Variants in LYPLA1 observed in about 807,000 individuals in gnomAD.
LYPLA1 encodes lysophospholipase 1, also known as acyl-protein thioesterase 1.
Under a neutral mutation model 34.0 loss-of-function variants are expected in LYPLA1, and 17 were observed. That is an observed-to-expected ratio of 0.50 (90% CI 0.34 to 0.75). The LOEUF (loss-of-function observed/expected upper bound fraction) is 0.75. Among genes scored for constraint, LYPLA1 ranks in the 30% least tolerant of loss-of-function variants. The pLI, the probability that LYPLA1 is intolerant of heterozygous loss-of-function variation, is 0.01. For missense variants in LYPLA1, 203 were observed against 288.8 expected, an observed-to-expected ratio of 0.70 and a Z score of 2.15; for synonymous variants, 98 against 100.8, an observed-to-expected ratio of 0.97 and a Z score of 0.17.
intron 2 of LYPLA1, among the ~76,000 whole-genome samples, chr8:54,080,626 T>C (rs1368076279): frequency 2.0e-5 from 3 of 152,188 alleles, no homozygotes; most frequent in African/African-American, 4.8e-5. Context: ...CTCTCTCTGT[T>C]GCCCAGGCTG....
intron 2 of LYPLA1, chr8:54,073,646 A>C: frequency 4.4e-6 from 2 of 453,316 alleles, no homozygotes; most frequent in Admixed American, 3.5e-5. Context: ...TGCTGCTACA[A>C]TGTCCTAACA....
chr8:54,064,916 T>C (rs1022337476), intron 3 of LYPLA1, among the ~76,000 whole-genome samples: 5 of 152,220 alleles, frequency 3.3e-5, no homozygotes, highest in African/African-American at 1.2e-4. Context: ...TAATTTGCAT[T>C]GGGCTGCATT....
rs561050087 is a variant in LYPLA1 at position 54,100,711 on chromosome 8, A to G, written c.101+197T>C. 4.5e-5 allele frequency: 26 copies of G among 581,748 alleles called. No individual in the cohort carries two copies. The East Asian group carries it at 7.9e-4, about 18-fold the overall frequency. 36.0% of individuals were successfully genotyped at this position (581,748 alleles called of 1,614,324 possible). A position where few individuals can be genotyped will look rare whatever the true frequency, so the allele number is the denominator to read the frequency against. ...AATATGTTCCAGAAACCAGAGTTAAAAAATCAATAAACTCACGATGATAAG... is the reference window on the plus strand; with the variant it reads ...AATATGTTCCAGAAACCAGAGTTAAGAAATCAATAAACTCACGATGATAAG... On this transcript the variant is annotated intron_variant, in intron 2 of 8. Coordinates refer to ENST00000316963, the MANE Select transcript of LYPLA1 (RefSeq NM_006330.4).
chr8:54,083,276 A>G (rs1248400060), intron 2 of LYPLA1, among the ~76,000 whole-genome samples: 5 of 152,174 alleles, frequency 3.3e-5, no homozygotes, highest in African/African-American at 4.8e-5. Flanking sequence ...GGTAGCCCAT[A>G]AGAACCCACA....
At chr8:54,067,870 G>T (rs375733948) in intron 2 of LYPLA1, among the ~76,000 whole-genome samples, 27 of 151,778 alleles carry the variant, frequency 1.8e-4, no homozygotes, top group African/African-American at 6.0e-4. Flanking sequence ...TGTATTTTTA[G>T]TAGAGACGGG....
intron 5 of LYPLA1, among the ~76,000 whole-genome samples, chr8:54,058,750 G>T (rs1230351887): frequency 2.8e-5 from 4 of 142,152 alleles, no homozygotes; most frequent in African/African-American, 5.1e-5. Flanking sequence ...AGCTAATTTT[G>T]TTTTTTTTTT....
intron 2 of LYPLA1, among the ~76,000 whole-genome samples, chr8:54,067,502 T>G (rs1807152200): frequency 6.6e-6 from 1 of 152,188 alleles, no homozygotes; most frequent in South Asian, 2.1e-4. Context: ...CATTTCCTTC[T>G]GATTTTTCCC....
At chr8:54,054,808 C>T (rs1806095504) in intron 6 of LYPLA1, 2 of 358,718 alleles carry the variant, frequency 5.6e-6, no homozygotes, top group Non-Finnish European at 4.9e-6. Context: ...CCTGTGTTAT[C>T]AGTTTTAATT....
intron 2 of LYPLA1, among the ~76,000 whole-genome samples, chr8:54,071,700 C>A (rs559069683): frequency 6.6e-6 from 1 of 152,186 alleles, no homozygotes; most frequent in Non-Finnish European, 1.5e-5. Flanking sequence ...ATCTCTACAA[C>A]AAGAATTACA....
At chr8:54,075,529 A>T (rs1021489867) in intron 2 of LYPLA1, among the ~76,000 whole-genome samples, 3 of 152,194 alleles carry the variant, frequency 2.0e-5, no homozygotes, top group Admixed American at 1.3e-4. Context: ...ACAGATCAAG[A>T]AGCTGTCACA....
intron 2 of LYPLA1, among the ~76,000 whole-genome samples, chr8:54,081,102 G>T (rs535230874): frequency 6.6e-6 from 1 of 152,208 alleles, no homozygotes; most frequent in African/African-American, 2.4e-5. Flanking sequence ...AAGGCCTTTT[G>T]CTGTACTCAC....
chr8:54,073,229 G>T, intron 2 of LYPLA1: 1 of 836,090 alleles, frequency 1.2e-6, no homozygotes, highest in Admixed American at 1.7e-5. Flanking sequence ...ATACAGGACA[G>T]TAAGGAACTA....
At chr8:54,056,680 C>T (rs545709559) in intron 5 of LYPLA1, among the ~76,000 whole-genome samples, 74 of 152,166 alleles carry the variant, frequency 4.9e-4, no homozygotes, top group African/African-American at 1.7e-3. Flanking sequence ...TTTGGGAGAC[C>T]GAGGAGGGTG....
At chr8:54,075,463 C>T (rs868618017) in intron 2 of LYPLA1, among the ~76,000 whole-genome samples, 12 of 152,174 alleles carry the variant, frequency 7.9e-5, no homozygotes, top group South Asian at 2.1e-4. Flanking sequence ...GAGACGGACG[C>T]TGAGGAGGAT....
intron 2 of LYPLA1, chr8:54,100,576 T>A (rs1248801289): frequency 1.0e-5 from 3 of 301,438 alleles, no homozygotes; most frequent in Non-Finnish European, 1.9e-5. Flanking sequence ...CAATCTGCTC[T>A]GAAATTTTAA....
At chr8:54,084,159 T>TATATATATATATAA (rs1808532093) in intron 2 of LYPLA1, among the ~76,000 whole-genome samples, 9 of 134,154 alleles carry the variant, frequency 6.7e-5, no homozygotes, top group African/African-American at 2.6e-4. Flanking sequence ...TATATATATA[T>TATATATATATATAA]ATATAAAATA....
chr8:54,101,471 A>T, intron 1 of LYPLA1: 1 of 1,109,224 alleles, frequency 9.0e-7, no homozygotes, highest in Non-Finnish European at 1.1e-6. Context: ...AACACGCTGC[A>T]GAGGCTGACG....
rs551061896 is a variant in LYPLA1 at position 54,051,314 on chromosome 8, A to G, written c.463-126T>C. The G allele has an allele frequency of 1.6e-4, 129 of 788,538 alleles. No homozygotes were observed. In the African/African-American group the frequency reaches 2.0e-3, roughly 12 times the overall value. The allele number at this position is 788,538 out of a possible 1,614,324, so 48.8% of individuals were successfully genotyped here. The stretch of plus-strand genomic sequence containing the variant: ...TTAGAAGTTACATTTGGCCAAAAAA[A>G]TAAAATTCCTTCATCCATATACTCA... On this transcript the variant is annotated intron_variant, in intron 7 of 8. Coordinates refer to ENST00000316963, the MANE Select transcript of LYPLA1 (RefSeq NM_006330.4).
rs1189028756 is a variant in LYPLA1, at chr8:54,062,298, T to TCTGG, written c.238_241dup (p.Asp81AlafsTer7). ...AATCCCAGATTCATCCTCCTGTGAA[T>TCTGG]CTGGTGAAAGCCCAATAATATCAAA... On this transcript the variant is annotated frameshift_variant, in exon 5 of 9. Transcript: ENST00000316963. LOFTEE classifies it high-confidence loss of function. 2 of 1,607,164 alleles carry TCTGG rather than the reference T, an allele frequency of 1.2e-6. No homozygotes were observed. The highest frequency in any genetic ancestry group is 2.7e-5 in the African/African-American group (2 of 74,622).
Sources: allele counts gnomAD v4.1 joint callset (sites outside exome capture counted in the v4.1 genomes callset), GRCh38; gene constraint gnomAD v4.1.1; transcripts MANE v1.5; gene names NCBI Gene and HGNC (gene_info 2026-07-23, HGNC 2026-07-21).